The following MOB4 variants were observed in gnomAD, a reference collection of about 807,000 sequenced individuals.
MOB4 encodes the protein MOB-like protein phocein.
A neutral mutation model predicts 32.2 loss-of-function variants in MOB4; 4 were observed. That is an observed-to-expected ratio of 0.12 (90% CI 0.06 to 0.28). The LOEUF is 0.28. Ranked by LOEUF, MOB4 falls within the 10% of genes least tolerant of loss-of-function variation. The probability of loss-of-function intolerance (pLI) is 1.00; values close to 1 mark genes in which losing one functional copy is unlikely to be tolerated. For missense variants in MOB4, 158 were observed against 271.2 expected, an observed-to-expected ratio of 0.58 and a Z score of 2.93; for synonymous variants, 88 against 88.1, an observed-to-expected ratio of 1.00 and a Z score of 0.01.
chr2:197,537,072 G>C (rs1250078856), intron 3 of MOB4, among the ~76,000 whole-genome samples: 2 of 152,116 alleles, frequency 1.3e-5, no homozygotes, highest in South Asian at 2.1e-4. Context: ...ATTACTTCCA[G>C]TTCCTAGTCT....
chr2:197,522,211 G>GT (rs1225708855), intron 1 of MOB4, among the ~76,000 whole-genome samples: 5 of 146,766 alleles, frequency 3.4e-5, no homozygotes, highest in East Asian at 2.1e-4. Flanking sequence ...GATTCTTTTA[G>GT]TTTTTTTTAA....
At chr2:197,535,899 C>CTTTT (rs1319135434) in intron 3 of MOB4, among the ~76,000 whole-genome samples, 6 of 129,266 alleles carry the variant, frequency 4.6e-5, no homozygotes, top group East Asian at 2.2e-4. Context: ...CTTTTCTTTT[C>CTTTT]TTTTTTTTTT....
At chr2:197,528,725 C>T (rs1307013455) in intron 2 of MOB4, among the ~76,000 whole-genome samples, 7 of 151,290 alleles carry the variant, frequency 4.6e-5, no homozygotes, top group Non-Finnish European at 1.0e-4. Flanking sequence ...AGGCCATTCT[C>T]CTGCCTCAGC....
Position 197,551,527 on chromosome 2 carries a change from T to TA in MOB4, c.*882dup, listed in dbSNP as rs1318358493. The stretch of plus-strand genomic sequence containing the variant: ...AAATGTATTTGCATAGGCTCTTGCT[T>TA]ATCTTTGTTTTGCAAAATTGTTCTA... On this transcript the variant is annotated 3_prime_UTR_variant, in exon 8 of 8. Transcript: ENST00000323303. 2 of 152,802 alleles carry TA rather than the reference T, an allele frequency of 1.3e-5. No homozygotes were observed. The highest frequency in any genetic ancestry group is 2.9e-5 in the Non-Finnish European group (2 of 68,028). The allele number at this position is 152,802 out of a possible 1,614,324, so 9.5% of individuals were successfully genotyped here. A position where few individuals can be genotyped will look rare whatever the true frequency, so the allele number is the denominator to read the frequency against.
chr2:197,533,367 A>T lies in MOB4; in HGVS notation c.124-2163A>T, dbSNP rs549643197. On this transcript the variant is annotated intron_variant, in intron 2 of 7. Coordinates refer to ENST00000323303, the MANE Select transcript of MOB4 (RefSeq NM_015387.5). The stretch of plus-strand genomic sequence containing the variant: ...AAGGAGAGAGAGAATCAAAACTTTG[A>T]AACATTAGGATGAGATAAAAAAAAT... Among the ~76,000 whole-genome samples the T allele has an allele frequency of 2.3e-3, 350 of 152,286 alleles. 1 individual carries two copies. The highest frequency in any genetic ancestry group is 8.0e-3 in the African/African-American group (333 of 41,564).
At chr2:197,516,564 A>G (rs754528603) in intron 1 of MOB4, 3 of 495,494 alleles carry the variant, frequency 6.1e-6, no homozygotes, top group East Asian at 6.6e-5. Context: ...AACACAGCCT[A>G]CCTCGACCCG....
intron 2 of MOB4, among the ~76,000 whole-genome samples, chr2:197,531,743 C>A (rs1167927689): frequency 6.6e-6 from 1 of 151,836 alleles, no homozygotes; most frequent in Non-Finnish European, 1.5e-5. Flanking sequence ...TGGGGTTTTA[C>A]CCTATTGGCC....
chr2:197,535,905 T>TTC (rs1193360986), intron 3 of MOB4, among the ~76,000 whole-genome samples: 1 of 149,876 alleles, frequency 6.7e-6, no homozygotes, highest in African/African-American at 2.4e-5. Flanking sequence ...TTTTCTTTTT[T>TTC]TTTTTTTTTT....
intron 5 of MOB4, among the ~76,000 whole-genome samples, chr2:197,544,727 T>A (rs530827180): frequency 3.9e-4 from 59 of 149,984 alleles, no homozygotes; most frequent in African/African-American, 1.4e-3. Context: ...CACTCCAGCC[T>A]GGGCAACAGA....
intron 5 of MOB4, among the ~76,000 whole-genome samples, chr2:197,544,332 AGTGTGCTGGGATTAT>A (rs2086953515): frequency 3.3e-5 from 5 of 152,154 alleles, no homozygotes; most frequent in Admixed American, 3.3e-4. Flanking sequence ...TTGGCCTCCC[AGTGTGCTGGGATTAT>A]AGGCATGAGC....
At chr2:197,531,360 A>G (rs1463407323) in intron 2 of MOB4, among the ~76,000 whole-genome samples, 3 of 151,636 alleles carry the variant, frequency 2.0e-5, no homozygotes, top group Admixed American at 6.6e-5. Flanking sequence ...TTGCTATTTT[A>G]AAGTGTACAG....
intron 1 of MOB4, among the ~76,000 whole-genome samples, chr2:197,517,867 C>T (rs1007037860): frequency 3.3e-5 from 5 of 152,132 alleles, no homozygotes; most frequent in Non-Finnish European, 5.9e-5. Flanking sequence ...GGGCTGGGTG[C>T]GGTGGCTCAC....
chr2:197,528,147 A>T (rs756678206), intron 2 of MOB4, among the ~76,000 whole-genome samples: 1 of 152,108 alleles, frequency 6.6e-6, no homozygotes, highest in Non-Finnish European at 1.5e-5. Context: ...TTTAACATTG[A>T]TGTGCTGAAT....
intron 5 of MOB4, among the ~76,000 whole-genome samples, chr2:197,543,313 G>A (rs1247593910): frequency 6.6e-6 from 1 of 151,926 alleles, no homozygotes; most frequent in African/African-American, 2.4e-5. Flanking sequence ...TTCAGAAATG[G>A]CCAGTAAGCA....
At chr2:197,545,302 C>T (rs1474797506) in intron 5 of MOB4, among the ~76,000 whole-genome samples, 3 of 152,192 alleles carry the variant, frequency 2.0e-5, no homozygotes, top group Non-Finnish European at 4.4e-5. Flanking sequence ...ATGACCTATG[C>T]ACATCCTCCT....
At position 197,535,607 on chromosome 2, in the gene MOB4, T is replaced by G; in HGVS notation, c.201T>G (p.Gly67=). The change falls in exon 3 of 8, where the codon GGT becomes GGG. Residue 67 remains glycine, a synonymous_variant. Coordinates refer to ENST00000323303, the MANE Select transcript of MOB4 (RefSeq NM_015387.5). ...ILEPPEGQDE[G]VWKYEHLRQF... is the part of the protein sequence containing the mutation. ...AACCACCTGAAGGCCAAGATGAAGG[T>G]GTGTGGAAGTATGAACATTTAAGGT... The G allele has an allele frequency of 6.2e-7, 1 of 1,612,384 alleles. No individual in the cohort carries two copies. Among genetic ancestry groups the G allele is most frequent in the Non-Finnish European group, 8.5e-7 (1 of 1,179,650 alleles).
chr2:197,540,016 G>A, intron 3 of MOB4, 95 bp from the exon 4 acceptor site: 16 of 1,331,414 alleles, frequency 1.2e-5, no homozygotes, highest in Non-Finnish European at 1.6e-5. Context: ...AGGGAGGAGG[G>A]ATGATACTGA....
chr2:197,540,159 A>C lies in MOB4; in HGVS notation c.267+6A>C. ...GACTTGCTGTCAAACTTCAGGTAAT[A>C]TTTTCTTTAAGTCAAAGTTATAATT... On this transcript the variant is annotated splice_donor_region_variant and intron_variant, in intron 4 of 7. Coordinates refer to ENST00000323303, the MANE Select transcript of MOB4 (RefSeq NM_015387.5). 1 of 1,602,984 alleles carries C rather than the reference A, an allele frequency of 6.2e-7. No individual in the cohort carries two copies. The highest frequency in any genetic ancestry group is 8.5e-7 in the Non-Finnish European group (1 of 1,174,622).
chr2:197,535,423 C>A, intron 2 of MOB4, 107 bp from the exon 3 acceptor site: 1 of 1,035,952 alleles, frequency 9.7e-7, no homozygotes, highest in East Asian at 2.7e-5. Flanking sequence ...GTGTATAACC[C>A]AAGTTGAACC....
Sources: allele counts gnomAD v4.1 joint callset (sites outside exome capture counted in the v4.1 genomes callset), GRCh38; gene constraint gnomAD v4.1.1; transcripts MANE v1.5; gene names NCBI Gene and HGNC (gene_info 2026-07-23, HGNC 2026-07-21).